DPEP2: variants seen among roughly 807,000 people sequenced by gnomAD.
The protein encoded by DPEP2 is dipeptidase 2.
DPEP2 carries 45 observed loss-of-function variants against 51.8 expected under a neutral mutation model. The observed-to-expected ratio is 0.87, with a 90% CI of 0.68 to 1.11. The LOEUF (loss-of-function observed/expected upper bound fraction) is 1.11. DPEP2 is among the 50% of genes most tolerant of loss of function. The pLI is 0.00. For synonymous variants in DPEP2, 255 were observed against 262.7 expected, an observed-to-expected ratio of 0.97 and a Z score of 0.28; for missense variants, 604 against 631.9, an observed-to-expected ratio of 0.96 and a Z score of 0.47.
Position 67,993,235 on chromosome 16 carries a change from G to A in DPEP2, c.-23C>T, listed in dbSNP as rs2032417040. ...CATGTTGTGCAGGGCCGGGCAGGCA[G>A]GCAGGGGTGGCAGTCAGAGAGCCTG... On this transcript the variant is annotated 5_prime_UTR_variant, in exon 2 of 11. Coordinates refer to ENST00000393847, the MANE Select transcript of DPEP2 (RefSeq NM_022355.4). 3 of 1,416,276 alleles carry A rather than the reference G, an allele frequency of 2.1e-6. No individual in the cohort carries two copies. The highest frequency in any genetic ancestry group is 1.5e-5 in the South Asian group (1 of 65,214). 87.7% of individuals were successfully genotyped at this position (1,416,276 alleles called of 1,614,324 possible).
rs1338264233 is a variant in DPEP2 at position 67,991,276 on chromosome 16, CT to C, written c.663-93del. The C allele has an allele frequency of 3.6e-5, 48 of 1,343,722 alleles. No individual in the cohort carries two copies. The highest frequency in any genetic ancestry group is 2.6e-4 in the Middle Eastern group (1 of 3,874). The allele number at this position is 1,343,722 out of a possible 1,614,324, so 83.2% of individuals were successfully genotyped here. ...ACCCACCCTCCATCCCTGCACCCCC[CT>C]GAAACAAAAACAGGGATCCAAAATG... On this transcript the variant is annotated intron_variant, in intron 5 of 10. Coordinates refer to ENST00000393847, the MANE Select transcript of DPEP2 (RefSeq NM_022355.4). This position sits in a 1 kb window ranked among gnomAD's most constrained non-coding sequence, Gnocchi z 5.1.
In DPEP2 at chr16:67,987,964, A is replaced by G; in HGVS notation, c.1094T>C (p.Val365Ala). 1 of 1,614,126 alleles carries G rather than the reference A, an allele frequency of 6.2e-7. No individual in the cohort carries two copies. Reference protein sequence around the residue: ...AGKFPQGLEDVSTYPVLIEEL... With the variant: ...AGKFPQGLEDASTYPVLIEEL... ...CTCTATCAGGACCGGGTATGTGGACACGTCTTCCAGCCCCTGAGGGAATCT... is the reference window on the plus strand; with the variant it reads ...CTCTATCAGGACCGGGTATGTGGACGCGTCTTCCAGCCCCTGAGGGAATCT... The change falls in exon 10 of 11, where the codon GTG (valine) becomes GCG (alanine). Residue 365 changes from valine (V) to alanine (A), a missense_variant. Physicochemically the swap from Val to Ala is moderately conservative, Grantham distance 64. Coordinates refer to ENST00000393847, the MANE Select transcript of DPEP2 (RefSeq NM_022355.4).
In DPEP2 at chr16:67,989,323, T is replaced by C; in HGVS notation, c.1070A>G (p.Lys357Arg). 1 of 1,614,126 alleles carries C rather than the reference T, an allele frequency of 6.2e-7. No individual in the cohort carries two copies. The highest frequency in any genetic ancestry group is 8.5e-7 in the Non-Finnish European group (1 of 1,180,006). The change falls in exon 9 of 11, where the codon AAA becomes AGA. Residue 357 changes from lysine to arginine, a missense_variant and splice_region_variant. Coordinates refer to ENST00000393847, the MANE Select transcript of DPEP2 (RefSeq NM_022355.4). ...GACAAGCCACAGGGAAGGCACTCAC[T>C]TGCCGGCCCCATCATAATCTCCACC... ...GIGGDYDGAG[K>R]FPQGLEDVST... is the part of the protein sequence containing the mutation.
intron 1 of DPEP2, among the ~76,000 whole-genome samples, chr16:67,999,072 A>C (rs971454295): frequency 1.3e-5 from 2 of 152,168 alleles, no homozygotes; most frequent in Non-Finnish European, 2.9e-5. Flanking sequence ...CCCCTTCCAC[A>C]CTGTGGAAGC....
chr16:67,999,784 G>A (rs2032921389), upstream of DPEP2: 1 of 152,220 alleles, frequency 6.6e-6, no homozygotes, highest in South Asian at 2.1e-4. Context: ...GTGCATGCCT[G>A]TGGTTCCAGG....
At position 67,991,111 on chromosome 16, in the gene DPEP2, T is replaced by C. The variant is rs1055494423; in HGVS notation, c.732+4A>G. The C allele has an allele frequency of 1.2e-6, 2 of 1,614,222 alleles. No individual in the cohort carries two copies. The highest frequency in any genetic ancestry group is 1.7e-6 in the Non-Finnish European group (2 of 1,180,036). ...TGGGGTGGAGTGTGAACCAGGGTCC[T>C]CACCTCACCAAAGTCAGTCAGCCCG... On this transcript the variant is annotated splice_donor_region_variant and intron_variant, in intron 6 of 10. Transcript: ENST00000393847. The surrounding 1 kb of genome is among the most constrained non-coding windows in gnomAD (Gnocchi z 5.1).
chr16:67,991,175 G>A lies in DPEP2; in HGVS notation c.672C>T (p.Ser224=), dbSNP rs781016620. The change falls in exon 6 of 11, where the codon AGC becomes AGT. Residue 224 remains serine, a synonymous_variant. Coordinates refer to ENST00000393847, the MANE Select transcript of DPEP2 (RefSeq NM_022355.4). This position sits in a 1 kb window ranked among gnomAD's most constrained non-coding sequence, Gnocchi z 5.1. Reference sequence around the variant, plus strand: ...AGAAGGAGTGGACGCCCTTAGCGGAGCTCTCTGCCCTGCAGGGTGGCCAGG... The same window carrying A: ...AGAAGGAGTGGACGCCCTTAGCGGAACTCTCTGCCCTGCAGGGTGGCCAGG... ...THTCNTPWAE[S]SAKGVHSFYN... 1.1e-5 allele frequency: 18 copies of A among 1,612,974 alleles called. No individual in the cohort carries two copies. The highest frequency in any genetic ancestry group is 2.7e-5 in the African/African-American group (2 of 74,888).
intron 1 of DPEP2, among the ~76,000 whole-genome samples, chr16:67,998,276 G>A (rs1373346796): frequency 6.6e-6 from 1 of 150,706 alleles, no homozygotes; most frequent in Non-Finnish European, 1.5e-5. Context: ...GGAGTTTCGG[G>A]TGGGCGTGGG....
intron 7 of DPEP2, among the ~76,000 whole-genome samples, chr16:67,990,554 C>T (rs577507826): frequency 6.6e-6 from 1 of 152,290 alleles, no homozygotes; most frequent in East Asian, 1.9e-4. Flanking sequence ...ACCTCCGCCT[C>T]CCAGGTTCCA....
At chr16:67,988,013 T>G (rs371728044) in intron 9 of DPEP2, 26 bp from the exon 10 acceptor site, 1 of 1,613,846 alleles carries the variant, frequency 6.2e-7, no homozygotes, top group Non-Finnish European at 8.5e-7. Context: ...CTAGTGGGTT[T>G]CAGACCTGAT....
chr16:67,993,099 G>T lies in DPEP2; in HGVS notation c.114C>A (p.Gly38=), dbSNP rs745544370. ...QPVTCAYTTP[G]PPRALTTLGA... is the part of the protein sequence containing the mutation. Reference sequence around the variant, plus strand: ...CCAGCGTGGTGAGGGCTCTGGGGGGGCCTGGCGTGGTGTAGGCACAGGTTA... The same window carrying T: ...CCAGCGTGGTGAGGGCTCTGGGGGGTCCTGGCGTGGTGTAGGCACAGGTTA... The change falls in exon 2 of 11, where the codon GGC becomes GGA. Residue 38 remains glycine (G), a synonymous_variant. Transcript: ENST00000393847. 5.1e-6 allele frequency: 8 copies of T among 1,567,068 alleles called. No individual in the cohort carries two copies. The South Asian group carries it at 8.2e-5, about 16-fold the overall frequency.
Position 67,987,728 on chromosome 16 carries a change from C to A in DPEP2, c.1239G>T (p.Leu413Phe), listed in dbSNP as rs528870660. 42 of 1,613,924 alleles carry A rather than the reference C, an allele frequency of 2.6e-5. No individual in the cohort carries two copies. In the Admixed American group the frequency reaches 2.8e-4, roughly 11 times the overall value. ...VQEENKWQSP[L>F]EDKFPDEQLS... ...GCTGCTCATCCGGGAACTTGTCCTC[C>A]AAGGGGCTTTGCCATTTGTTTTCTT... The change falls in exon 11 of 11, where the codon TTG becomes TTT. Residue 413 changes from leucine (L) to phenylalanine (F), a missense_variant. Transcript: ENST00000393847.
chr16:67,989,666 A>C (rs1057170788), intron 8 of DPEP2, among the ~76,000 whole-genome samples: 1 of 152,196 alleles, frequency 6.6e-6, no homozygotes, highest in African/African-American at 2.4e-5. Context: ...ACCTGCCTCT[A>C]GTCTCTTTGA....
Position 67,992,195 on chromosome 16 carries a change from T to TG in DPEP2, c.391-3dup. 6 of 1,613,716 alleles carry TG rather than the reference T, an allele frequency of 3.7e-6. No individual in the cohort carries two copies. In the South Asian group the frequency reaches 6.6e-5, roughly 18 times the overall value. On this transcript the variant is annotated splice_polypyrimidine_tract_variant and splice_region_variant and intron_variant, in intron 3 of 10. Coordinates refer to ENST00000393847, the MANE Select transcript of DPEP2 (RefSeq NM_022355.4). ...GCATGGCACATAGGCTGACCAGAAC[T>TG]GGGGGGAAGGCCAGGGTTTGGCTTG...
chr16:67,998,821 T>C (rs2032858444), intron 1 of DPEP2, among the ~76,000 whole-genome samples: 2 of 152,212 alleles, frequency 1.3e-5, no homozygotes, highest in African/African-American at 4.8e-5. Context: ...ATGCACCAAC[T>C]GACACTCTGT....
Position 67,992,130 on chromosome 16 carries a change from G to T in DPEP2, c.454C>A (p.Gln152Lys), listed in dbSNP as rs1420488251. ...CACATGCGGCGTATGAGGTCAATCT[G>T]CTCCAGGGTGAGGCGCAGGGCATCC... is the stretch of plus-strand genomic sequence containing the variant. The part of the protein sequence containing the change: ...DRDALRLTLE[Q>K]IDLIRRMCAS... The change falls in exon 4 of 11, where the codon CAG becomes AAG. Residue 152 changes from glutamine (Q) to lysine (K), a missense_variant. Physicochemically the swap from Gln to Lys is moderately conservative, Grantham distance 53. Transcript: ENST00000393847. 1 of 1,614,080 alleles carries T rather than the reference G, an allele frequency of 6.2e-7. No individual in the cohort carries two copies. The highest frequency in any genetic ancestry group is 1.7e-5 in the Admixed American group (1 of 60,002).
rs2031950852 is a variant in DPEP2, at chr16:67,990,149, TG to T, written c.910-19del. On this transcript the variant is annotated intron_variant, in intron 7 of 10. Transcript: ENST00000393847. ...TTCTTCTTCTGCAGGGGCGGGCAAG[TG>T]GACACTTAGCCTGGCCCCTCAGCAA... The T allele has an allele frequency of 2.4e-5, 38 of 1,613,170 alleles. No individual in the cohort carries two copies. Among genetic ancestry groups the T allele is most frequent in the Non-Finnish European group, 3.1e-5 (37 of 1,179,566 alleles).
At chr16:67,992,370 C>A in intron 3 of DPEP2, 140 bp downstream of exon 3, 3 of 1,451,916 alleles carry the variant, frequency 2.1e-6, no homozygotes, top group Non-Finnish European at 2.8e-6. Flanking sequence ...TCTGCAGCCC[C>A]CAGCATCCAT....
rs763983825 is a variant in DPEP2, at chr16:67,990,078, G to A, written c.963C>T (p.Cys321=). ...CAGTGGACACATTGGCTGATGGGTT[G>A]CACTGTATTACTCCCATGGACAAAG... The part of the protein sequence containing the change: ...MVSLSMGVIQ[C]NPSANVSTVA... Residue 321 remains cysteine, a synonymous_variant, in exon 8 of 11, where the codon TGC becomes TGT. Transcript: ENST00000393847. The A allele has an allele frequency of 6.2e-7, 1 of 1,614,206 alleles. No individual in the cohort carries two copies. The highest frequency in any genetic ancestry group is 2.2e-5 in the East Asian group (1 of 44,884).
Sources: allele counts gnomAD v4.1 joint callset (sites outside exome capture counted in the v4.1 genomes callset), GRCh38; gene constraint gnomAD v4.1.1; non-coding constraint Gnocchi (gnomAD v3.1); transcripts MANE v1.5; gene names NCBI Gene and HGNC (gene_info 2026-07-23, HGNC 2026-07-21).